The following PMS1 variants were observed in gnomAD, a reference collection of about 807,000 sequenced individuals.
PMS1 encodes PMS1 homolog 1, mismatch repair system component, also known as PMS1 protein homolog 1.
PMS1 carries 79 observed loss-of-function variants against 93.1 expected under a neutral mutation model. The ratio of observed to expected loss-of-function variants is 0.85; its 90% CI spans 0.71 to 1.02. The LOEUF (loss-of-function observed/expected upper bound fraction) is 1.02. Ranked by LOEUF, PMS1 falls within the 50% of genes least tolerant of loss-of-function variation. PMS1 has a pLI of 0.00. For missense variants in PMS1, 1,064 were observed against 1,085.3 expected, an observed-to-expected ratio of 0.98 and a Z score of 0.28; for synonymous variants, 335 against 363.4, an observed-to-expected ratio of 0.92 and a Z score of 0.89.
rs201884192 is a variant in PMS1 at position 189,814,308 on chromosome 2, C to CA, written c.419-3709_419-3708insA. Among the ~76,000 whole-genome samples, 175 of 146,796 alleles carry CA rather than the reference C, an allele frequency of 1.2e-3. 1 individual carries two copies. The highest frequency in any genetic ancestry group is 4.0e-3 in the African/African-American group (156 of 39,202). On this transcript the variant is annotated intron_variant, in intron 4 of 12. Coordinates refer to ENST00000441310, the MANE Select transcript of PMS1 (RefSeq NM_000534.5). ...TGCTCTATATAAAAATAGAGGAAGA[C>CA]CCCCCCCCAAAAAAAAATCATTAGT...
At chr2:189,863,722 C>G in intron 9 of PMS1, 21 bp from the exon 10 acceptor site, 1 of 1,529,730 alleles carries the variant, frequency 6.5e-7, no homozygotes, top group Non-Finnish European at 9.1e-7. Flanking sequence ...CTCATTAGTT[C>G]TATTTTATTT....
At chr2:189,812,493 A>G (rs1000220876) in intron 4 of PMS1, among the ~76,000 whole-genome samples, 1 of 152,218 alleles carries the variant, frequency 6.6e-6, no homozygotes, top group African/African-American at 2.4e-5. Context: ...TGAATCTGCA[A>G]GAAGGAAAGA....
chr2:189,792,763 T>C (rs189589419), intron 2 of PMS1, among the ~76,000 whole-genome samples: 89 of 147,288 alleles, frequency 6.0e-4, no homozygotes, highest in African/African-American at 1.6e-3. Context: ...CATAAAACAC[T>C]GTGACTTAAC....
intron 5 of PMS1, among the ~76,000 whole-genome samples, chr2:189,819,120 C>T (rs1033613996): frequency 2.0e-5 from 3 of 152,168 alleles, no homozygotes; most frequent in Non-Finnish European, 4.4e-5. Flanking sequence ...GGTTTAGCTT[C>T]CACTTATAAG....
chr2:189,802,885 A>G lies in PMS1; in HGVS notation c.316-2767A>G, dbSNP rs1481734653. On this transcript the variant is annotated intron_variant, in intron 3 of 12. Coordinates refer to ENST00000441310, the MANE Select transcript of PMS1 (RefSeq NM_000534.5). The stretch of plus-strand genomic sequence containing the variant: ...AAGCAGTTGGAATATTTTACTTCCT[A>G]AATGCAGCTTCATCACAGGTGATGG... Among the ~76,000 whole-genome samples, 3 of 152,202 alleles carry G rather than the reference A, an allele frequency of 2.0e-5. No individual in the cohort carries two copies. In the South Asian group the frequency reaches 6.2e-4, roughly 31 times the overall value.
At chr2:189,861,181 A>G (rs2055952860) in intron 9 of PMS1, among the ~76,000 whole-genome samples, 1 of 151,796 alleles carries the variant, frequency 6.6e-6, no homozygotes, top group East Asian at 1.9e-4. Context: ...AAAAGAATAT[A>G]TTTCAGTATC....
At chr2:189,871,378 T>C (rs256558) in intron 11 of PMS1, among the ~76,000 whole-genome samples, 27,245 of 152,166 alleles carry the variant, frequency 0.18, 4,744 homozygotes, top group African/African-American at 0.46. Flanking sequence ...TGTGTTGGGC[T>C]GCATTCAAAG....
chr2:189,787,870 CTG>C (rs1436072994), intron 1 of PMS1, among the ~76,000 whole-genome samples: 1 of 151,926 alleles, frequency 6.6e-6, no homozygotes, highest in Non-Finnish European at 1.5e-5. Context: ...AATATTCAGA[CTG>C]TAGCAATTAG....
At chr2:189,873,698 C>T (rs773056834) in intron 12 of PMS1, 42 bp downstream of exon 12, 23 of 1,472,686 alleles carry the variant, frequency 1.6e-5, no homozygotes, top group African/African-American at 2.8e-5. Context: ...TACAGGGGTC[C>T]CAACTCCCGG....
At chr2:189,855,873 C>A in intron 9 of PMS1, 1 of 1,112,626 alleles carries the variant, frequency 9.0e-7, no homozygotes, top group Non-Finnish European at 1.2e-6. Context: ...GTGATCTAAT[C>A]CAGCAGAAAA....
chr2:189,874,679 G>A (rs1397668210), intron 12 of PMS1, among the ~76,000 whole-genome samples: 1 of 152,046 alleles, frequency 6.6e-6, no homozygotes, highest in Non-Finnish European at 1.5e-5. Flanking sequence ...TCTGAAGGTC[G>A]GACTTCCTTA....
intron 5 of PMS1, among the ~76,000 whole-genome samples, chr2:189,828,106 A>G (rs1317948982): frequency 2.0e-5 from 3 of 151,272 alleles, no homozygotes; most frequent in Non-Finnish European, 4.4e-5. Context: ...TGTTTTTTTT[A>G]GTAGAGACGG....
chr2:189,795,633 T>G, intron 2 of PMS1, 136 bp from the exon 3 acceptor site: 1 of 724,082 alleles, frequency 1.4e-6, no homozygotes, highest in Non-Finnish European at 2.4e-6. Context: ...GCTGAAGAAT[T>G]TAAACTCTTA....
chr2:189,876,000 C>A, intron 12 of PMS1, among the ~76,000 whole-genome samples: 1 of 145,840 alleles, frequency 6.9e-6, no homozygotes, highest in Admixed American at 6.8e-5. Context: ...AAATGTTCCC[C>A]AAAAGGCAAG....
In PMS1 at chr2:189,846,469, T is replaced by C. The variant is rs575369644; in HGVS notation, c.699+2389T>C. On this transcript the variant is annotated intron_variant, in intron 6 of 12. Coordinates refer to ENST00000441310, the MANE Select transcript of PMS1 (RefSeq NM_000534.5). ...GCAGAGGTTGCATTGAGCCCAGATCTTGCCACTGCACTCCAGCCTGGGCAA... is the reference window on the plus strand; with the variant it reads ...GCAGAGGTTGCATTGAGCCCAGATCCTGCCACTGCACTCCAGCCTGGGCAA... 3.0e-3 allele frequency among the ~76,000 whole-genome samples: 451 copies of C among 151,010 alleles called. 1 individual carries two copies. Among genetic ancestry groups the C allele is most frequent in the South Asian group, 5.2e-3 (25 of 4,762 alleles).
In PMS1 at chr2:189,854,858, G is replaced by A. The variant is rs56064816; in HGVS notation, c.1586G>A (p.Ser529Asn). 2.5e-4 allele frequency: 400 copies of A among 1,609,968 alleles called. 2 individuals carry two copies. The African/African-American group carries it at 4.3e-3, about 17-fold the overall frequency. Residue 529 changes from serine (S) to asparagine (N), a missense_variant, in exon 9 of 13, where the codon AGT (serine) becomes AAT (asparagine). Physicochemically the swap from Ser to Asn is conservative, Grantham distance 46. Coordinates refer to ENST00000441310, the MANE Select transcript of PMS1 (RefSeq NM_000534.5). ...GAAAAAAGTTTACCATGTAAAGTAA[G>A]TAATAATAATTATCCAATCCCTGAA... ...VPEKSLPCKV[S>N]NNNYPIPEQM... is the part of the protein sequence containing the mutation.
intron 3 of PMS1, among the ~76,000 whole-genome samples, chr2:189,798,216 C>T (rs577057345): frequency 1.3e-5 from 2 of 152,270 alleles, no homozygotes; most frequent in Non-Finnish European, 2.9e-5. Context: ...ACTGTAAAGT[C>T]GAAAAATCCT....
chr2:189,799,882 G>T (rs2049728938), intron 3 of PMS1, among the ~76,000 whole-genome samples: 1 of 152,322 alleles, frequency 6.6e-6, no homozygotes, highest in Non-Finnish European at 1.5e-5. Context: ...GCCCACTGGT[G>T]ATCATCCCAA....
At chr2:189,840,698 AG>A (rs2106403303) in intron 5 of PMS1, among the ~76,000 whole-genome samples, 1 of 152,294 alleles carries the variant, frequency 6.6e-6, no homozygotes, top group Non-Finnish European at 1.5e-5. Flanking sequence ...ATAAATCCTT[AG>A]GTATAAGGAT....
Sources: allele counts gnomAD v4.1 joint callset (sites outside exome capture counted in the v4.1 genomes callset), GRCh38; gene constraint gnomAD v4.1.1; transcripts MANE v1.5; gene names NCBI Gene and HGNC (gene_info 2026-07-23, HGNC 2026-07-21).